The following ERG variants were observed in gnomAD, a reference collection of about 807,000 sequenced individuals.
ERG encodes transcriptional regulator ERG.
Under a neutral mutation model 55.3 loss-of-function variants are expected in ERG, and 9 were observed. The observed-to-expected ratio is 0.16, with a 90% CI of 0.10 to 0.28. The LOEUF (loss-of-function observed/expected upper bound fraction) is 0.28, where lower values mean the gene tolerates loss of function less well. Ranked by LOEUF, ERG falls within the 10% of genes least tolerant of loss-of-function variation. The pLI is 1.00. For synonymous variants in ERG, 223 were observed against 237.3 expected (o/e 0.94, Z 0.55); for missense variants, 434 against 631.6 (o/e 0.69, Z 3.35).
chr21:38,603,401 A>T (rs1441820647), intron 1 of ERG, among the ~76,000 whole-genome samples: 1 of 152,006 alleles, frequency 6.6e-6, no homozygotes, highest in South Asian at 2.1e-4. Flanking sequence ...TGGGCAGATC[A>T]CAAGGTCAAG....
At chr21:38,637,726 C>A (rs1159993864) in intron 1 of ERG, among the ~76,000 whole-genome samples, 1 of 152,040 alleles carries the variant, frequency 6.6e-6, no homozygotes, top group Non-Finnish European at 1.5e-5. Flanking sequence ...TCTGTGGTAG[C>A]CTGTTCACTT....
At chr21:38,376,358 G>C (rs1174534717), downstream of ERG, among the ~76,000 whole-genome samples, 1 of 152,190 alleles carries the variant, frequency 6.6e-6, no homozygotes, top group South Asian at 2.1e-4. Flanking sequence ...ACACTCAGTT[G>C]TTACTCTCGC....
intron 2 of ERG, among the ~76,000 whole-genome samples, chr21:38,437,218 A>G (rs920869598): frequency 6.6e-6 from 1 of 152,078 alleles, no homozygotes; most frequent in Non-Finnish European, 1.5e-5. Flanking sequence ...ATCCATCTCC[A>G]TCGAAGCTAA....
chr21:38,620,951 G>GA (rs1466397311), intron 1 of ERG, among the ~76,000 whole-genome samples: 6 of 152,264 alleles, frequency 3.9e-5, no homozygotes, highest in African/African-American at 1.2e-4. Context: ...TGGCTTCCCA[G>GA]AAAAAAAGTG....
chr21:38,400,253 G>A (rs1005918737), intron 6 of ERG: 5 of 467,174 alleles, frequency 1.1e-5, no homozygotes, highest in Admixed American at 3.0e-5. Flanking sequence ...CTCTTCCCCC[G>A]AGGAGGGACA....
At chr21:38,647,642 A>G (rs979158388) in intron 1 of ERG, among the ~76,000 whole-genome samples, 1 of 152,238 alleles carries the variant, frequency 6.6e-6, no homozygotes, top group Non-Finnish European at 1.5e-5. Context: ...ATGTAACTAC[A>G]TTACAAAATG....
chr21:38,370,004 G>A, the ERG span, among the ~76,000 whole-genome samples: 1 of 152,108 alleles, frequency 6.6e-6, no homozygotes, highest in African/African-American at 2.4e-5. Context: ...CCAGTACCAT[G>A]CTGTTTTGGT....
chr21:38,655,765 C>T (rs1352341076), intron 1 of ERG, among the ~76,000 whole-genome samples: 1 of 152,182 alleles, frequency 6.6e-6, no homozygotes, highest in Non-Finnish European at 1.5e-5. Flanking sequence ...AACAACATGA[C>T]CAACAGACTC....
At chr21:38,482,031 C>A (rs2146651796) in intron 1 of ERG, among the ~76,000 whole-genome samples, 1 of 152,260 alleles carries the variant, frequency 6.6e-6, no homozygotes, top group East Asian at 1.9e-4. Context: ...CTCATCAAGG[C>A]AAGTGTCATG....
At chr21:38,520,374 C>T (rs2146747054) in intron 2 of ERG, among the ~76,000 whole-genome samples, 1 of 152,292 alleles carries the variant, frequency 6.6e-6, no homozygotes, top group Middle Eastern at 3.4e-3. Context: ...GGATCAGCTC[C>T]TCAAATATCC....
intron 2 of ERG, among the ~76,000 whole-genome samples, chr21:38,506,022 T>TG (rs960304852): frequency 0.032 from 86 of 2,710 alleles, no homozygotes; most frequent in South Asian, 0.074. Flanking sequence ...AGAAATGGTG[T>TG]TTTTTTTTGA....
chr21:38,612,955 C>T (rs2060236834), intron 1 of ERG, among the ~76,000 whole-genome samples: 1 of 152,192 alleles, frequency 6.6e-6, no homozygotes, highest in Admixed American at 6.5e-5. Context: ...GCCACCATGC[C>T]CGGCCCTTTC....
chr21:38,564,320 T>C (rs940120775), intron 2 of ERG, among the ~76,000 whole-genome samples: 7 of 152,142 alleles, frequency 4.6e-5, no homozygotes, highest in Admixed American at 2.6e-4. Flanking sequence ...TTTTCTAAGT[T>C]AAAAGCTAAG....
At chr21:38,581,292 T>C (rs2060027285) in intron 1 of ERG, among the ~76,000 whole-genome samples, 1 of 152,226 alleles carries the variant, frequency 6.6e-6, no homozygotes, top group South Asian at 2.1e-4. Context: ...ATCTGCCACT[T>C]ACTCCTTGGA....
chr21:38,424,458 C>A (rs909626183), intron 2 of ERG, among the ~76,000 whole-genome samples: 2 of 152,270 alleles, frequency 1.3e-5, no homozygotes, highest in South Asian at 4.1e-4. Flanking sequence ...ACAAGGGAGG[C>A]GGAACTACCA....
Position 38,599,132 on chromosome 21 carries a change from GA to G in ERG, c.-149-14188del, listed in dbSNP as rs1378028115. 2.6e-5 allele frequency among the ~76,000 whole-genome samples: 4 copies of G among 152,338 alleles called. No homozygotes were observed. In the East Asian group the frequency reaches 7.7e-4, roughly 29 times the overall value. On this transcript the variant is annotated intron_variant, in intron 1 of 10. Transcript: ENST00000398910. ...TGCCTTCCAGGTAGAGAAGTTTGCA[GA>G]GGCTGCCTGGGGACAGGTAAGAAGG...
chr21:38,556,741 T>C (rs1038708613), intron 2 of ERG, among the ~76,000 whole-genome samples: 4 of 152,090 alleles, frequency 2.6e-5, no homozygotes, highest in Non-Finnish European at 5.9e-5. Context: ...GAAGGCTAGG[T>C]AGAGGCTGGA....
chr21:38,623,750 C>G (rs1013071), intron 1 of ERG, among the ~76,000 whole-genome samples: 4 of 152,110 alleles, frequency 2.6e-5, no homozygotes, highest in Non-Finnish European at 4.4e-5. Flanking sequence ...TGCCACCAGC[C>G]CAGCAGGGGT....
chr21:38,475,392 C>T (rs983366914), intron 1 of ERG, among the ~76,000 whole-genome samples: 2 of 152,276 alleles, frequency 1.3e-5, no homozygotes, highest in East Asian at 1.9e-4. Context: ...GAAAGGGACT[C>T]GGTGTCCAGG....
Sources: allele counts gnomAD v4.1 joint callset (sites outside exome capture counted in the v4.1 genomes callset), GRCh38; gene constraint gnomAD v4.1.1; transcripts MANE v1.5; gene names NCBI Gene and HGNC (gene_info 2026-07-23, HGNC 2026-07-21).